SMG1: variants seen among roughly 807,000 people sequenced by gnomAD.
SMG1 encodes serine/threonine-protein kinase SMG1.
In SMG1, 22 loss-of-function variants were observed where a neutral mutation model predicts 419.9. The ratio of observed to expected loss-of-function variants is 0.05; its 90% CI spans 0.04 to 0.07. The LOEUF (loss-of-function observed/expected upper bound fraction) is 0.07, where lower values mean the gene tolerates loss of function less well. Ranked by LOEUF, SMG1 falls within the 10% of genes least tolerant of loss-of-function variation. SMG1 has a pLI of 1.00. For missense variants in SMG1, 3,185 were observed against 4,342.0 expected, an observed-to-expected ratio of 0.73 and a Z score of 7.49; for synonymous variants, 1,538 against 1,553.5, an observed-to-expected ratio of 0.99 and a Z score of 0.23.
Position 18,835,860 on chromosome 16 carries a change from C to T in SMG1, c.8057+73G>A, listed in dbSNP as rs901433659. On this transcript the variant is annotated intron_variant, in intron 48 of 62. Coordinates refer to ENST00000446231, the MANE Select transcript of SMG1 (RefSeq NM_015092.5). ...GTTGCAGTGAGCCAAGATCATGCCA[C>T]CACACTCCAGCCTGGGTGACAGAAC... The T allele has an allele frequency of 1.0e-5, 15 of 1,440,612 alleles. 1 individual carries two copies. Among genetic ancestry groups the T allele is most frequent in the African/African-American group, 8.5e-5 (6 of 70,968 alleles). 89.2% of individuals were successfully genotyped at this position (1,440,612 alleles called of 1,614,324 possible).
rs559964280 is a variant in SMG1 at position 18,899,933 on chromosome 16, A to C, written c.93-2977T>G. The C allele has an allele frequency of 5.9e-6, 5 of 851,152 alleles. No homozygotes were observed. In the South Asian group the frequency reaches 5.9e-5, roughly 10 times the overall value. The allele number at this position is 851,152 out of a possible 1,614,324, so 52.7% of individuals were successfully genotyped here. On this transcript the variant is annotated intron_variant, in intron 1 of 62. Transcript: ENST00000446231. ...AAATTTCCCCACAACGATCAAACTG[A>C]AGTTAAAGCCTGATGTACATGCCAC... is the stretch of plus-strand genomic sequence containing the variant.
Position 18,858,304 on chromosome 16 carries a change from A to C in SMG1, c.4114-14T>G. ...AATAAGACAGTCCTGCCAGAGAAAA[A>C]CCAAAATTACTCAACATAAAACAGG... On this transcript the variant is annotated splice_polypyrimidine_tract_variant and intron_variant, in intron 28 of 62. Transcript: ENST00000446231. 3 of 1,577,838 alleles carry C rather than the reference A, an allele frequency of 1.9e-6. No homozygotes were observed. The highest frequency in any genetic ancestry group is 4.1e-5 in the Admixed American group (2 of 48,666).
At position 18,812,093 on chromosome 16, in the gene SMG1, A is replaced by G; in HGVS notation, c.10656T>C (p.Pro3552=). The change falls in exon 61 of 63, where the codon CCT becomes CCC. Residue 3552 remains proline (P), a synonymous_variant. Coordinates refer to ENST00000446231, the MANE Select transcript of SMG1 (RefSeq NM_015092.5). ...TTCTAGCATTCTGTGACATGACATC[A>G]GGCTGAGTCTTCTGGCCAGTGTTAC... ...VRSNTGQKTQ[P]DVMSQNARKL... 6.2e-7 allele frequency: 1 copy of G among 1,613,728 alleles called. No homozygotes were observed. The highest frequency in any genetic ancestry group is 1.7e-5 in the Admixed American group (1 of 59,996).
chr16:18,844,550 T>A (rs1418094031), intron 39 of SMG1, among the ~76,000 whole-genome samples: 1 of 64,588 alleles, frequency 1.5e-5, no homozygotes, highest in Admixed American at 2.1e-4. Context: ...CAAGAACACA[T>A]AATAAACTTC....
At chr16:18,882,959 G>C (rs578042320) in intron 9 of SMG1, among the ~76,000 whole-genome samples, 59 of 152,260 alleles carry the variant, frequency 3.9e-4, no homozygotes, top group African/African-American at 1.3e-3. Flanking sequence ...AGAATGTGTG[G>C]CTTATGAGAG....
Position 18,843,695 on chromosome 16 carries a change from T to G in SMG1, c.6220-1241A>C, listed in dbSNP as rs184883506. ...AATCCAATATGGCAGTAAAAAGAAG[T>G]AGACGTACACACAATATGATCTCAT... is the stretch of plus-strand genomic sequence containing the variant. On this transcript the variant is annotated intron_variant, in intron 39 of 62. Coordinates refer to ENST00000446231, the MANE Select transcript of SMG1 (RefSeq NM_015092.5). Among the ~76,000 whole-genome samples the G allele has an allele frequency of 2.7e-3, 411 of 152,256 alleles. 3 individuals carry two copies. Among genetic ancestry groups the G allele is most frequent in the African/African-American group, 9.4e-3 (390 of 41,554 alleles).
At position 18,879,791 on chromosome 16, in the gene SMG1, A is replaced by G. The variant is rs1185595886; in HGVS notation, c.1294-72T>C. 5 of 824,902 alleles carry G rather than the reference A, an allele frequency of 6.1e-6. No individual in the cohort carries two copies. The African/African-American group carries it at 8.4e-5, about 14-fold the overall frequency. The allele number at this position is 824,902 out of a possible 1,614,324, so 51.1% of individuals were successfully genotyped here. Reference sequence around the variant, plus strand: ...TCCACAAAGCAAGAAAATACTTTTTATTTAATGCAATTTCAACTGAAAATT... The same window carrying G: ...TCCACAAAGCAAGAAAATACTTTTTGTTTAATGCAATTTCAACTGAAAATT... On this transcript the variant is annotated intron_variant, in intron 10 of 62. Transcript: ENST00000446231.
chr16:18,819,686 A>G, intron 55 of SMG1, 32 bp from the exon 56 acceptor site: 4 of 1,497,118 alleles, frequency 2.7e-6, no homozygotes, highest in Non-Finnish European at 1.8e-6. Flanking sequence ...TGGTGAAGGT[A>G]TATGACATTC....
rs377727998 is a variant in SMG1 at position 18,809,559 on chromosome 16, G to A, written c.*10C>T. ...CCTCGCTTAACCAGACTCATCTACTGTCTTGCCATTCACACCCAGGCTGTC... is the reference window on the plus strand; with the variant it reads ...CCTCGCTTAACCAGACTCATCTACTATCTTGCCATTCACACCCAGGCTGTC... On this transcript the variant is annotated 3_prime_UTR_variant, in exon 63 of 63. Coordinates refer to ENST00000446231, the MANE Select transcript of SMG1 (RefSeq NM_015092.5). 6.2e-7 allele frequency: 1 copy of A among 1,605,936 alleles called. No homozygotes were observed. The highest frequency in any genetic ancestry group is 8.5e-7 in the Non-Finnish European group (1 of 1,174,638).
rs748515200 is a variant in SMG1 at position 18,872,134 on chromosome 16, A to G, written c.2183+50T>C. ...CACATTTCTTATTCTCAAATTATAA[A>G]GGCAAATTAACAAAGTTAGGAATAG... On this transcript the variant is annotated intron_variant, in intron 15 of 62. Transcript: ENST00000446231. 4.4e-5 allele frequency: 49 copies of G among 1,125,780 alleles called. 1 individual carries two copies. The highest frequency in any genetic ancestry group is 5.7e-5 in the Non-Finnish European group (47 of 819,026). The allele number at this position is 1,125,780 out of a possible 1,614,324, so 69.7% of individuals were successfully genotyped here. A position where few individuals can be genotyped will look rare whatever the true frequency, so the allele number is the denominator to read the frequency against.
chr16:18,868,152 T>A, intron 22 of SMG1, 38 bp downstream of exon 22: 1 of 1,545,446 alleles, frequency 6.5e-7, no homozygotes, highest in Non-Finnish European at 8.7e-7. Flanking sequence ...CTTTTCTTAT[T>A]AACAGACTTA....
rs1376864026 is a variant in SMG1, at chr16:18,834,370, T to C, written c.8399A>G (p.Asp2800Gly). Residue 2800 changes from aspartate to glycine, a missense_variant, in exon 50 of 63, where the codon GAT becomes GGT. Asp to Gly is a moderately conservative substitution (Grantham distance 94). Transcript: ENST00000446231. ...GEQLVDLTSR[D>G]GAWFLEELCS... ...GAGTTCCTCCAAGAACCAGGCTCCATCCCGAGAAGTCAGATCAACCAGCTG... is the reference window on the plus strand; with the variant it reads ...GAGTTCCTCCAAGAACCAGGCTCCACCCCGAGAAGTCAGATCAACCAGCTG... The C allele has an allele frequency of 6.2e-7, 1 of 1,613,812 alleles. No individual in the cohort carries two copies. Among genetic ancestry groups the C allele is most frequent in the Non-Finnish European group, 8.5e-7 (1 of 1,179,842 alleles).
At chr16:18,858,948 A>C (rs3752679) in intron 28 of SMG1, 74 bp downstream of exon 28, 388,774 of 878,834 alleles carry the variant, frequency 0.44, 87,716 homozygotes, top group Middle Eastern at 0.52. Context: ...TCAAAAAACT[A>C]AAAAAATAAG....
chr16:18,837,977 AAAG>A, intron 45 of SMG1, 34 bp downstream of exon 45: 1 of 1,598,746 alleles, frequency 6.3e-7, no homozygotes, highest in Non-Finnish European at 8.5e-7. Flanking sequence ...CTATTAATAA[AAAG>A]AAGACAATGA....
At chr16:18,876,536 T>C (rs2036141555) in intron 12 of SMG1, 143 bp from the exon 13 acceptor site, 4 of 1,145,216 alleles carry the variant, frequency 3.5e-6, no homozygotes, top group East Asian at 2.6e-5. Context: ...GCACTTAATA[T>C]TTTAACTTTT....
intron 3 of SMG1, among the ~76,000 whole-genome samples, chr16:18,892,688 A>AC (rs1192829223): frequency 6.6e-6 from 1 of 152,004 alleles, no homozygotes. Flanking sequence ...AGCCAAGATC[A>AC]CCCCATTGCA....
chr16:18,904,072 G>C (rs1397707488), intron 1 of SMG1, among the ~76,000 whole-genome samples: 2 of 151,074 alleles, frequency 1.3e-5, no homozygotes, highest in African/African-American at 4.9e-5. Flanking sequence ...CGAGTAGCTG[G>C]AACTACAGGC....
intron 47 of SMG1, 65 bp downstream of exon 47, chr16:18,836,295 C>T: frequency 1.9e-6 from 3 of 1,591,004 alleles, no homozygotes; most frequent in Non-Finnish European, 2.6e-6. Flanking sequence ...CAGGACCCCA[C>T]ACAAACACAC....
intron 36 of SMG1, among the ~76,000 whole-genome samples, chr16:18,848,549 A>C (rs2034399155): frequency 1.3e-5 from 2 of 151,390 alleles, no homozygotes; most frequent in South Asian, 4.2e-4. Flanking sequence ...CAAATGATCC[A>C]CCCTCCTCGG....
Sources: allele counts gnomAD v4.1 joint callset (sites outside exome capture counted in the v4.1 genomes callset), GRCh38; gene constraint gnomAD v4.1.1; transcripts MANE v1.5; gene names NCBI Gene and HGNC (gene_info 2026-07-23, HGNC 2026-07-21).